The following GPLD1 variants were observed in gnomAD, a reference collection of about 807,000 sequenced individuals.
GPLD1 encodes the protein phosphatidylinositol-glycan-specific phospholipase D.
In GPLD1, 84 loss-of-function variants were observed where a neutral mutation model predicts 112.6. That is an observed-to-expected ratio of 0.75 (90% CI 0.63 to 0.89). The LOEUF (loss-of-function observed/expected upper bound fraction) is 0.89. GPLD1 is among the 40% of genes least tolerant of loss of function. The probability of loss-of-function intolerance (pLI) is 0.00; values close to 1 mark genes in which losing one functional copy is unlikely to be tolerated. For missense variants in GPLD1, 1,044 were observed against 1,051.5 expected, an observed-to-expected ratio of 0.99 and a Z score of 0.10; for synonymous variants, 386 against 403.8, an observed-to-expected ratio of 0.96 and a Z score of 0.53.
chr6:24,471,870 GCCA>G (rs1763835176), intron 7 of GPLD1, among the ~76,000 whole-genome samples: 1 of 152,232 alleles, frequency 6.6e-6, no homozygotes, highest in Admixed American at 6.5e-5. Flanking sequence ...CAGATGCTGT[GCCA>G]CCACACCTAG....
intron 22 of GPLD1, 166 bp from the exon 23 acceptor site, chr6:24,433,555 T>C (rs9467143): frequency 0.044 from 23,642 of 541,662 alleles, 1,091 homozygotes; most frequent in African/African-American, 0.18. Context: ...TGCAGTGGCG[T>C]GATCTCAGCT....
intron 7 of GPLD1, among the ~76,000 whole-genome samples, chr6:24,469,659 G>A (rs1581771991): frequency 1.5e-5 from 2 of 130,814 alleles, no homozygotes; most frequent in East Asian, 2.3e-4. Flanking sequence ...GGATAGCATT[G>A]GGAGATATAC....
rs774379306 is a variant in GPLD1 at position 24,495,016 on chromosome 6, T to G, written n.190A>C. On this transcript the variant is annotated non_coding_transcript_exon_variant, in exon 1 of 11. Coordinates refer to the GPLD1 transcript ENST00000474784. ...CGGGCCATGGCGACCTGCATTTGGC[T>G]GCGGAGCTGTGGGGCCCGGCGCCTC... 5 of 1,328,192 alleles carry G rather than the reference T, an allele frequency of 3.8e-6. No individual in the cohort carries two copies. Among genetic ancestry groups the G allele is most frequent in the Non-Finnish European group, 4.8e-6 (5 of 1,042,480 alleles). 82.3% of individuals were successfully genotyped at this position (1,328,192 alleles called of 1,614,324 possible).
chr6:24,494,917 C>T (rs990551292), intron 1 of GPLD1: 45 of 1,243,774 alleles, frequency 3.6e-5, no homozygotes, highest in Non-Finnish European at 3.9e-5. Context: ...CTCCTCGCTC[C>T]TCTTGCTTCC....
At chr6:24,488,628 TG>T (rs75702045) in intron 1 of GPLD1, among the ~76,000 whole-genome samples, 29,131 of 151,780 alleles carry the variant, frequency 0.19, 3,087 homozygotes, top group African/African-American at 0.28. Flanking sequence ...GGTAGCTATG[TG>T]GGGGGGGCGG....
rs1470894211 is a variant in GPLD1, at chr6:24,495,151, C to A, written n.55G>T. On this transcript the variant is annotated non_coding_transcript_exon_variant, in exon 1 of 11. Coordinates refer to the GPLD1 transcript ENST00000474784. ...CTCCGCTGCTACGCTGGGCGCCTGG[C>A]GGGCCTCTCTGCGGCGCTGCTGCGC... The A allele has an allele frequency of 4.2e-6, 6 of 1,429,708 alleles. No homozygotes were observed. Among genetic ancestry groups the A allele is most frequent in the South Asian group, 1.4e-5 (1 of 69,460 alleles). The allele number at this position is 1,429,708 out of a possible 1,614,324, so 88.6% of individuals were successfully genotyped here. A position where few individuals can be genotyped will look rare whatever the true frequency, so the allele number is the denominator to read the frequency against.
In GPLD1 at chr6:24,426,926, G is replaced by T. The variant is rs1277118843; in HGVS notation, c.*2106C>A. Reference sequence around the variant, plus strand: ...CCAGAAAAATGAGGTCATCCTGGGAGTGACCCAGAGATGCTCTCTAGGGAT... The same window carrying T: ...CCAGAAAAATGAGGTCATCCTGGGATTGACCCAGAGATGCTCTCTAGGGAT... On this transcript the variant is annotated 3_prime_UTR_variant, in exon 25 of 25. Transcript: ENST00000230036. 6.6e-6 allele frequency among the ~76,000 whole-genome samples: 1 copy of T among 152,198 alleles called. No homozygotes were observed. The highest frequency in any genetic ancestry group is 1.5e-5 in the Non-Finnish European group (1 of 68,038).
At chr6:24,489,394 T>G in intron 1 of GPLD1, 21 bp downstream of exon 1, 1 of 1,510,140 alleles carries the variant, frequency 6.6e-7, no homozygotes, top group Non-Finnish European at 9.2e-7. Flanking sequence ...CTCAACAACA[T>G]AACAAGACAC....
chr6:24,445,435 T>G, intron 20 of GPLD1, 111 bp downstream of exon 20: 1 of 689,198 alleles, frequency 1.5e-6, no homozygotes, highest in Non-Finnish European at 2.5e-6. Context: ...AAAAAGGAAA[T>G]ATTGAAACCT....
In GPLD1 at chr6:24,445,536, T is replaced by C. The variant is rs1762882711; in HGVS notation, c.2020+10A>G. ...TGAAAGGAAGCACAGTTTCACAGTG[T>C]GTGACCTACCGTACGTAGGGGCTCC... On this transcript the variant is annotated intron_variant, in intron 20 of 24. Transcript: ENST00000230036. The C allele has an allele frequency of 6.3e-7, 1 of 1,589,004 alleles. No homozygotes were observed. The highest frequency in any genetic ancestry group is 1.1e-5 in the South Asian group (1 of 90,558).
At position 24,446,046 on chromosome 6, in the gene GPLD1, G is replaced by A. The variant is rs189531274; in HGVS notation, c.1821-215C>T. On this transcript the variant is annotated intron_variant, in intron 18 of 24. Coordinates refer to ENST00000230036, the MANE Select transcript of GPLD1 (RefSeq NM_001503.4). The stretch of plus-strand genomic sequence containing the variant: ...ACACCCACCATCCTGCCTCCCAACT[G>A]ACAGGCCTCCCAGCAGACTCTCTGG... Among the ~76,000 whole-genome samples the A allele has an allele frequency of 2.7e-3, 413 of 151,932 alleles. 2 individuals carry two copies. Among genetic ancestry groups the A allele is most frequent in the Non-Finnish European group, 4.0e-3 (275 of 67,966 alleles).
intron 6 of GPLD1, 120 bp downstream of exon 6, chr6:24,473,495 CATTA>C (rs147067503): frequency 0.014 from 8,685 of 617,396 alleles, 421 homozygotes; most frequent in African/African-American, 0.12. Context: ...TGAACTGCAA[CATTA>C]AATAGAAAAT....
intron 20 of GPLD1, 56 bp downstream of exon 20, chr6:24,445,490 A>G (rs793714): frequency 0.94 from 1,057,229 of 1,125,152 alleles, 497,419 homozygotes; most frequent in Non-Finnish European, 0.96. Context: ...CCAATACGAC[A>G]TGTACAAGCA....
chr6:24,464,366 G>A (rs1173164419), intron 10 of GPLD1, among the ~76,000 whole-genome samples: 1 of 152,012 alleles, frequency 6.6e-6, no homozygotes, highest in Non-Finnish European at 1.5e-5. Context: ...GTACAACCAC[G>A]GCAGTATGCA....
Position 24,437,345 on chromosome 6 carries a change from C to T in GPLD1, c.2021-56G>A, listed in dbSNP as rs1336837841. 4.0e-6 allele frequency: 6 copies of T among 1,484,236 alleles called. No homozygotes were observed. In the African/African-American group the frequency reaches 4.1e-5, roughly 10 times the overall value. The allele number at this position is 1,484,236 out of a possible 1,614,324, so 91.9% of individuals were successfully genotyped here. A position where few individuals can be genotyped will look rare whatever the true frequency, so the allele number is the denominator to read the frequency against. ...ACAGAAAGGAAGGCATTACAGAACA[C>T]GGAATAGCACCCCATCCTCAAGTGA... On this transcript the variant is annotated intron_variant, in intron 20 of 24. Transcript: ENST00000230036.
Position 24,466,755 on chromosome 6 carries a change from C to T in GPLD1, c.746G>A (p.Gly249Glu). 1 of 1,611,064 alleles carries T rather than the reference C, an allele frequency of 6.2e-7. No homozygotes were observed. Among genetic ancestry groups the T allele is most frequent in the Non-Finnish European group, 8.5e-7 (1 of 1,177,268 alleles). ...LVEQFQEYFL[G>E]GLDDMAFWST... ...CCAAAATGCCATATCATCCAGTCCT[C>T]CAAGAAAATACTCTTGGAATTGTTC... The change falls in exon 10 of 25, where the codon GGA becomes GAA. Residue 249 changes from glycine to glutamate, a missense_variant. Transcript: ENST00000230036.
intron 10 of GPLD1, among the ~76,000 whole-genome samples, chr6:24,463,197 A>AG (rs1238619177): frequency 6.6e-6 from 1 of 152,004 alleles, no homozygotes; most frequent in African/African-American, 2.4e-5. Context: ...TCTTTAAAAA[A>AG]AATTCCATAA....
In GPLD1 at chr6:24,489,546, G is replaced by T. The variant is rs777262064; in HGVS notation, c.-35C>A. ...GCCCACCGGCTTCTCTGGTGACGTG[G>T]GAATGCTCAGAGCTGCAGCAGCACT... On this transcript the variant is annotated 5_prime_UTR_variant, in exon 1 of 25. Transcript: ENST00000230036. 4.3e-6 allele frequency: 7 copies of T among 1,613,208 alleles called. No homozygotes were observed. The African/African-American group carries it at 9.3e-5, about 22-fold the overall frequency.
chr6:24,435,539 T>C (rs564418258), intron 22 of GPLD1, among the ~76,000 whole-genome samples: 1 of 152,244 alleles, frequency 6.6e-6, no homozygotes, highest in East Asian at 1.9e-4. Context: ...TCACTAATTT[T>C]GCAATTTAAA....
Sources: allele counts gnomAD v4.1 joint callset (sites outside exome capture counted in the v4.1 genomes callset), GRCh38; gene constraint gnomAD v4.1.1; transcripts MANE v1.5; gene names NCBI Gene and HGNC (gene_info 2026-07-23, HGNC 2026-07-21).